The following MON2 variants were observed in gnomAD, a reference collection of about 807,000 sequenced individuals.
MON2 encodes the protein MON2 regulator of endosome-to-Golgi trafficking.
Under a neutral mutation model 208.6 loss-of-function variants are expected in MON2, and 84 were observed. The observed-to-expected ratio is 0.40, with a 90% CI of 0.34 to 0.48. The LOEUF (loss-of-function observed/expected upper bound fraction) is 0.48, where lower values mean the gene tolerates loss of function less well. Ranked by LOEUF, MON2 falls within the 20% of genes least tolerant of loss-of-function variation. The pLI, the probability that MON2 is intolerant of heterozygous loss-of-function variation, is 0.59. For synonymous variants in MON2, 660 were observed against 694.0 expected (o/e 0.95, Z 0.77); for missense variants, 1,611 against 2,015.4 (o/e 0.80, Z 3.84).
Position 62,580,608 on chromosome 12 carries a change from G to GT in MON2, c.4699+193dup, listed in dbSNP as rs1209551262. On this transcript the variant is annotated intron_variant, in intron 32 of 34. Transcript: ENST00000393630. ...ACATGACTATTCTGTGGAATAGAAT[G>GT]TTTTTATTCCATGTTTCTATTCTGT... is the stretch of plus-strand genomic sequence containing the variant. 1.1e-4 allele frequency among the ~76,000 whole-genome samples: 17 copies of GT among 152,158 alleles called. No individual in the cohort carries two copies. In the East Asian group the frequency reaches 3.3e-3, roughly 29 times the overall value.
rs748001236 is a variant in MON2, at chr12:62,555,987, T to C, written c.3211-7T>C. The C allele has an allele frequency of 6.3e-7, 1 of 1,584,978 alleles. No homozygotes were observed. The highest frequency in any genetic ancestry group is 1.1e-5 in the South Asian group (1 of 89,158). On this transcript the variant is annotated splice_polypyrimidine_tract_variant and splice_region_variant and intron_variant, in intron 24 of 34. Transcript: ENST00000393630. ...GCATTTTAAATGACATTTTAATAAA[T>C]ATTTAGGTACTCTTTCATCTACTGG... is the stretch of plus-strand genomic sequence containing the variant.
At chr12:62,574,467 C>G (rs1010357979) in intron 30 of MON2, among the ~76,000 whole-genome samples, 1 of 152,096 alleles carries the variant, frequency 6.6e-6, no homozygotes, top group African/African-American at 2.4e-5. Flanking sequence ...GCCTTGACCT[C>G]CTGGCCTCAG....
At chr12:62,547,162 G>A (rs2073522934) in intron 22 of MON2, 90 bp downstream of exon 22, 6 of 869,654 alleles carry the variant, frequency 6.9e-6, no homozygotes, top group Non-Finnish European at 9.5e-6. Flanking sequence ...GATAGAGGTA[G>A]AGAAGGACTC....
rs977454022 is a variant in MON2 at position 62,474,290 on chromosome 12, T to C, written c.111+6972T>C. On this transcript the variant is annotated intron_variant, in intron 1 of 34. Coordinates refer to ENST00000393630, the MANE Select transcript of MON2 (RefSeq NM_015026.3). The stretch of plus-strand genomic sequence containing the variant: ...CCTGCCACCACGCCCAGCTAATTTT[T>C]GTATTTTCAGTAGAGATGGGTTTCA... 4.0e-4 allele frequency among the ~76,000 whole-genome samples: 60 copies of C among 151,670 alleles called. 1 individual carries two copies. Among genetic ancestry groups the C allele is most frequent in the Non-Finnish European group, 2.9e-5 (2 of 67,926 alleles).
intron 8 of MON2, among the ~76,000 whole-genome samples, chr12:62,513,330 A>T (rs2071509364): frequency 6.6e-6 from 1 of 151,906 alleles, no homozygotes; most frequent in Non-Finnish European, 1.5e-5. Context: ...GGTTCAAGTG[A>T]TTCTCCTGCC....
At chr12:62,525,442 T>C (rs1319731587) in intron 10 of MON2, among the ~76,000 whole-genome samples, 1 of 152,212 alleles carries the variant, frequency 6.6e-6, no homozygotes, top group Non-Finnish European at 1.5e-5. Context: ...TCAGTTTCTC[T>C]GATCACATAA....
chr12:62,556,386 C>A (rs547214336), intron 25 of MON2, among the ~76,000 whole-genome samples, 194 bp downstream of exon 25: 2 of 152,236 alleles, frequency 1.3e-5, no homozygotes, highest in Admixed American at 6.6e-5. Flanking sequence ...AAATACACGT[C>A]ATTCTTGCTA....
chr12:62,538,612 T>C, intron 19 of MON2, 107 bp downstream of exon 19: 1 of 770,216 alleles, frequency 1.3e-6, no homozygotes, highest in Non-Finnish European at 2.1e-6. Flanking sequence ...TCAGATTGTA[T>C]GGTAACCATA....
At chr12:62,504,746 A>G (rs192163306) in intron 7 of MON2, among the ~76,000 whole-genome samples, 4 of 152,238 alleles carry the variant, frequency 2.6e-5, no homozygotes, top group Admixed American at 1.3e-4. Flanking sequence ...TTTTATGCCA[A>G]GTATACAGAA....
Position 62,537,177 on chromosome 12 carries a change from A to G in MON2, c.1927A>G (p.Met643Val). 1 of 1,612,704 alleles carries G rather than the reference A, an allele frequency of 6.2e-7. No individual in the cohort carries two copies. Among genetic ancestry groups the G allele is most frequent in the Non-Finnish European group, 8.5e-7 (1 of 1,179,020 alleles). Residue 643 changes from methionine (M) to valine (V), a missense_variant, in exon 15 of 35, where the codon ATG becomes GTG. Coordinates refer to ENST00000393630, the MANE Select transcript of MON2 (RefSeq NM_015026.3). ...ATATTCCGTTCAGGGCCAAAGTGTTATGATGATAAGTCCATCAAGTGAATC... is the reference window on the plus strand; with the variant it reads ...ATATTCCGTTCAGGGCCAAAGTGTTGTGATGATAAGTCCATCAAGTGAATC... ...KSYSVQGQSV[M>V]MISPSSESHQ...
intron 2 of MON2, among the ~76,000 whole-genome samples, chr12:62,492,244 T>G (rs1158050615): frequency 6.6e-6 from 1 of 152,234 alleles, no homozygotes; most frequent in Admixed American, 6.5e-5. Flanking sequence ...TGGTTTTACA[T>G]TTTTAATGGT....
At chr12:62,532,388 T>A (rs1399566812) in intron 11 of MON2, 50 bp from the exon 12 acceptor site, 1 of 1,312,898 alleles carries the variant, frequency 7.6e-7, no homozygotes, top group Non-Finnish European at 1.1e-6. Context: ...TTTTATGTAT[T>A]TTTTTTGTTG....
At chr12:62,578,191 A>C (rs570176497) in intron 30 of MON2, among the ~76,000 whole-genome samples, 1 of 152,232 alleles carries the variant, frequency 6.6e-6, no homozygotes, top group South Asian at 2.1e-4. Flanking sequence ...ATATTGAAAT[A>C]AGTTTAGTTC....
intron 1 of MON2, among the ~76,000 whole-genome samples, chr12:62,480,172 T>C (rs539027801): frequency 6.6e-6 from 1 of 152,210 alleles, no homozygotes; most frequent in South Asian, 2.1e-4. Context: ...TCTAATTATA[T>C]CTAAGGCAAC....
rs766276517 is a variant in MON2, at chr12:62,501,616, T to G, written c.707T>G (p.Val236Gly). ...LVNADAPYWL[V>G]GMTEMTRTFG... ...AATGCTGATGCTCCTTATTGGCTAG[T>G]GGGCATGACAGAAATGACTCGGACG... The change falls in exon 7 of 35, where the codon GTG (valine) becomes GGG (glycine). Residue 236 changes from valine to glycine, a missense_variant. Transcript: ENST00000393630. The G allele has an allele frequency of 6.2e-7, 1 of 1,614,142 alleles. No homozygotes were observed. Among genetic ancestry groups the G allele is most frequent in the Non-Finnish European group, 8.5e-7 (1 of 1,179,954 alleles).
chr12:62,580,940 G>A (rs1320386194), intron 32 of MON2, among the ~76,000 whole-genome samples: 2 of 152,096 alleles, frequency 1.3e-5, no homozygotes, highest in African/African-American at 4.8e-5. Context: ...AAAATAAGAT[G>A]CCTCAACATT....
chr12:62,556,288 CTT>C (rs1185253566), intron 25 of MON2, 96 bp downstream of exon 25: 6 of 1,170,200 alleles, frequency 5.1e-6, no homozygotes, highest in Non-Finnish European at 7.4e-6. Flanking sequence ...TTAACTTAGT[CTT>C]TATGTGTGGT....
intron 25 of MON2, among the ~76,000 whole-genome samples, chr12:62,558,187 A>G (rs2074066584): frequency 6.6e-6 from 1 of 151,326 alleles, no homozygotes; most frequent in Non-Finnish European, 1.5e-5. Context: ...CATGTTGGTC[A>G]GGCTAGTCTC....
rs375554863 is a variant in MON2, at chr12:62,566,368, T to C, written c.4241T>C (p.Leu1414Ser). Residue 1414 changes from leucine (L) to serine (S), a missense_variant, in exon 29 of 35, where the codon TTA becomes TCA. Leu to Ser is a moderately radical substitution (Grantham distance 145). Transcript: ENST00000393630. The part of the protein sequence containing the change: ...LNYVPFAERS[L>S]EVVVDLYQKT... ...TATGTGCCGTTTGCTGAAAGGTCTTTAGAAGTAGTTGTGGATTTATACCAA... is the reference window on the plus strand; with the variant it reads ...TATGTGCCGTTTGCTGAAAGGTCTTCAGAAGTAGTTGTGGATTTATACCAA... 9 of 1,613,500 alleles carry C rather than the reference T, an allele frequency of 5.6e-6. No homozygotes were observed. In the African/African-American group the frequency reaches 1.1e-4, roughly 19 times the overall value.
Sources: gnomAD v4.1 joint callset for allele counts (sites outside exome capture counted in the v4.1 genomes callset) on GRCh38, gnomAD v4.1.1 for gene constraint, MANE v1.5 for transcripts, NCBI Gene and HGNC (gene_info 2026-07-23, HGNC 2026-07-21) for gene names.